The following PHC1 variants were observed in gnomAD, a reference collection of about 807,000 sequenced individuals.
PHC1 encodes polyhomeotic-like protein 1.
A neutral mutation model predicts 104.3 loss-of-function variants in PHC1; 12 were observed. That is an observed-to-expected ratio of 0.12 (90% CI 0.07 to 0.19). The LOEUF (loss-of-function observed/expected upper bound fraction) is 0.19, where lower values mean the gene tolerates loss of function less well. Among genes scored for constraint, PHC1 ranks in the 10% least tolerant of loss-of-function variants. PHC1 has a pLI of 1.00. For missense variants in PHC1, 671 were observed against 1,200.0 expected (o/e 0.56, Z 6.51); for synonymous variants, 302 against 455.8 (o/e 0.66, Z 4.30).
chr12:8,933,439 A>G, intron 8 of PHC1, 89 bp downstream of exon 8: 1 of 1,396,696 alleles, frequency 7.2e-7, no homozygotes, highest in Non-Finnish European at 9.5e-7. Flanking sequence ...GAATAGGGGA[A>G]TAAAGAGTTA....
Position 8,932,609 on chromosome 12 carries a change from A to G in PHC1, c.1152A>G (p.Gln384=), listed in dbSNP as rs148803996. 2.3e-4 allele frequency: 368 copies of G among 1,614,046 alleles called. No homozygotes were observed. In the African/African-American group the frequency reaches 4.5e-3, roughly 20 times the overall value. ...CCCATTCACTGATTCAGCAACAGCA[A>G]CAGATCCACCTCCAGCAGAAACAGG... The part of the protein sequence containing the change: ...IQPHSLIQQQ[Q]QIHLQQKQVV... Residue 384 remains glutamine (Q), a synonymous_variant, in exon 8 of 15, where the codon CAA becomes CAG. Coordinates refer to ENST00000544916, the MANE Select transcript of PHC1 (RefSeq NM_004426.3).
Position 8,924,763 on chromosome 12 carries a change from G to A in PHC1, c.612+1975G>A, listed in dbSNP as rs140767372. Among the ~76,000 whole-genome samples, 9 of 152,302 alleles carry A rather than the reference G, an allele frequency of 5.9e-5. No homozygotes were observed. The East Asian group carries it at 1.7e-3, about 29-fold the overall frequency. On this transcript the variant is annotated intron_variant, in intron 6 of 14. Transcript: ENST00000544916. ...TAGAAGAGGTCATTGCTGGGGTAGA[G>A]CATATAAAGGAGGTTGTAGTTAACT...
At position 8,932,588 on chromosome 12, in the gene PHC1, T is replaced by C. The variant is rs756298064; in HGVS notation, c.1131T>C (p.His377=). ...CCACCTACACACAGATCCAGCCCCATTCACTGATTCAGCAACAGCAACAGA... is the reference window on the plus strand; with the variant it reads ...CCACCTACACACAGATCCAGCCCCACTCACTGATTCAGCAACAGCAACAGA... The part of the protein sequence containing the change: ...SSATYTQIQP[H]SLIQQQQQIH... The change falls in exon 8 of 15, where the codon CAT becomes CAC. Residue 377 remains histidine, a synonymous_variant. Coordinates refer to ENST00000544916, the MANE Select transcript of PHC1 (RefSeq NM_004426.3). 1.2e-6 allele frequency: 2 copies of C among 1,614,006 alleles called. No individual in the cohort carries two copies. Among genetic ancestry groups the C allele is most frequent in the East Asian group, 4.5e-5 (2 of 44,890 alleles).
intron 1 of PHC1, chr12:8,915,120 C>G (rs963118167): frequency 6.5e-6 from 1 of 152,832 alleles, no homozygotes; most frequent in African/African-American, 2.4e-5. Flanking sequence ...GCCGAGCATG[C>G]TGTCTAGTTA....
At chr12:8,926,909 C>G (rs902666620) in intron 6 of PHC1, among the ~76,000 whole-genome samples, 2 of 143,984 alleles carry the variant, frequency 1.4e-5, no homozygotes, top group Non-Finnish European at 3.1e-5. Flanking sequence ...GGGCGAAACT[C>G]CATCTTAAAA....
Position 8,920,928 on chromosome 12 carries a change from T to G in PHC1, c.226-57T>G. On this transcript the variant is annotated intron_variant, in intron 3 of 14. Coordinates refer to ENST00000544916, the MANE Select transcript of PHC1 (RefSeq NM_004426.3). ...TGCTTGTGATTTATTACTAGAAGACTGAGAGCTTTTTCCTTCACTGTCTTT... is the reference window on the plus strand; with the variant it reads ...TGCTTGTGATTTATTACTAGAAGACGGAGAGCTTTTTCCTTCACTGTCTTT... The G allele has an allele frequency of 8.6e-6, 10 of 1,161,772 alleles. No homozygotes were observed. The South Asian group carries it at 1.1e-4, about 12-fold the overall frequency. The allele number at this position is 1,161,772 out of a possible 1,614,324, so 72.0% of individuals were successfully genotyped here.
chr12:8,917,911 T>C (rs1413731534), intron 2 of PHC1, 120 bp downstream of exon 2: 4 of 614,206 alleles, frequency 6.5e-6, no homozygotes, highest in Non-Finnish European at 8.6e-6. Flanking sequence ...GGTTAGATGA[T>C]GACTAAGCTG....
intron 14 of PHC1, among the ~76,000 whole-genome samples, chr12:8,938,310 G>A (rs948892020): frequency 1.3e-5 from 2 of 152,066 alleles, no homozygotes; most frequent in Non-Finnish European, 2.9e-5. Flanking sequence ...CTAAATTTTT[G>A]GATAAAATGT....
rs1727107965 is a variant in PHC1 at position 8,919,560 on chromosome 12, TC to T, written c.115-194del. Reference sequence around the variant, plus strand: ...GTAAACTATGATCACGCCACTGTGCTCCAGCCTGGTGATAGAGCAGGTTGAC... The same window carrying T: ...GTAAACTATGATCACGCCACTGTGCTCAGCCTGGTGATAGAGCAGGTTGAC... On this transcript the variant is annotated intron_variant, in intron 2 of 14. Transcript: ENST00000544916. This position sits in a 1 kb window ranked among gnomAD's most constrained non-coding sequence, Gnocchi z 4.9. 6.6e-6 allele frequency among the ~76,000 whole-genome samples: 1 copy of T among 152,152 alleles called. No individual in the cohort carries two copies. The highest frequency in any genetic ancestry group is 6.5e-5 in the Admixed American group (1 of 15,270).
chr12:8,930,412 A>C, intron 6 of PHC1, 23 bp from the exon 7 acceptor site: 1 of 1,600,722 alleles, frequency 6.2e-7, no homozygotes, highest in East Asian at 2.3e-5. Flanking sequence ...CCTTTTCTCA[A>C]TCTGTTTTTT....
intron 13 of PHC1, among the ~76,000 whole-genome samples, chr12:8,937,591 G>A (rs1382348876): frequency 6.6e-6 from 1 of 152,036 alleles, no homozygotes; most frequent in Non-Finnish European, 1.5e-5. Context: ...TCTCTCAATT[G>A]TACTTGAGAG....
Position 8,921,054 on chromosome 12 carries a change from A to G in PHC1, c.295A>G (p.Thr99Ala). The change falls in exon 4 of 15, where the codon ACC (threonine) becomes GCC (alanine). Residue 99 changes from threonine to alanine, a missense_variant. By Grantham distance (58) the Thr-to-Ala change is moderately conservative. Coordinates refer to ENST00000544916, the MANE Select transcript of PHC1 (RefSeq NM_004426.3). ...CACTACACAGCAGCAGACTACCACCACCCAGGCCTCGGTGAGTACGCCCTC... is the reference window on the plus strand; with the variant it reads ...CACTACACAGCAGCAGACTACCACCGCCCAGGCCTCGGTGAGTACGCCCTC... ...TSTTQQQTTTTQASINLATTS... is the reference protein window; with the variant it reads ...TSTTQQQTTTAQASINLATTS... 3 of 1,612,022 alleles carry G rather than the reference A, an allele frequency of 1.9e-6. No homozygotes were observed. Among genetic ancestry groups the G allele is most frequent in the Non-Finnish European group, 2.5e-6 (3 of 1,179,150 alleles).
Position 8,939,386 on chromosome 12 carries a change from T to G in PHC1, c.2942T>G (p.Met981Arg). Reference protein sequence around the residue: ...ALLLLKEEHLMSAMNIKLGPA... With the variant: ...ALLLLKEEHLRSAMNIKLGPA... ...TTATTACTTAAAGAAGAACATCTTA[T>G]GAGTGCCATGAACATCAAGCTGGGC... The change falls in exon 15 of 15, where the codon ATG becomes AGG. Residue 981 changes from methionine to arginine, a missense_variant. Physicochemically the swap from Met to Arg is moderately conservative, Grantham distance 91. Transcript: ENST00000544916. The G allele has an allele frequency of 6.2e-7, 1 of 1,602,646 alleles. No individual in the cohort carries two copies.
rs11048097 is a variant in PHC1 at position 8,933,644 on chromosome 12, A to G, written c.1894-221A>G. ...GTTCTTGGTTGGTCTACGTGAATAC[A>G]GGGTCTCAAGACCTAGGTCAGGACT... On this transcript the variant is annotated intron_variant, in intron 8 of 14. Coordinates refer to ENST00000544916, the MANE Select transcript of PHC1 (RefSeq NM_004426.3). 0.012 allele frequency: 7,233 copies of G among 600,616 alleles called. 405 individuals carry two copies. The highest frequency in any genetic ancestry group is 0.12 in the African/African-American group (6,408 of 54,110). 37.2% of individuals were successfully genotyped at this position (600,616 alleles called of 1,614,324 possible).
At position 8,932,720 on chromosome 12, in the gene PHC1, C is replaced by T. The variant is rs71447543; in HGVS notation, c.1263C>T (p.Leu421=). Residue 421 remains leucine (L), a synonymous_variant, in exon 8 of 15, where the codon CTC becomes CTT. Transcript: ENST00000544916. ...QSQLLHTATH[L]QLAQQQQQQQ... ...AGCTCCTTCACACAGCTACACACCT[C>T]CAGTTGGCGCAGCAGCAGCAGCAGC... 4.3e-5 allele frequency: 69 copies of T among 1,614,098 alleles called. No homozygotes were observed. The South Asian group carries it at 7.5e-4, about 17-fold the overall frequency.
chr12:8,924,999 G>A lies in PHC1; in HGVS notation c.612+2211G>A, dbSNP rs1009834120. On this transcript the variant is annotated intron_variant, in intron 6 of 14. Transcript: ENST00000544916. ...GATAGCAATGGGAGCCACGAGTGAG[G>A]TTGGTTCCATTTCCATATCCAGTTC... 3.3e-5 allele frequency among the ~76,000 whole-genome samples: 5 copies of A among 152,154 alleles called. No individual in the cohort carries two copies. In the South Asian group the frequency reaches 1.0e-3, roughly 32 times the overall value.
At position 8,937,145 on chromosome 12, in the gene PHC1, A is replaced by G. The variant is rs371332309; in HGVS notation, c.2478-31A>G. 5.5e-5 allele frequency: 88 copies of G among 1,593,832 alleles called. 1 individual carries two copies. The highest frequency in any genetic ancestry group is 4.8e-4 in the South Asian group (42 of 88,398). On this transcript the variant is annotated intron_variant, in intron 12 of 14. Transcript: ENST00000544916. ...GAGCAGGGTGGTCTTCTGTGGCACT[A>G]TTGACATCCTATATATGCCCTGTCC... is the stretch of plus-strand genomic sequence containing the variant.
chr12:8,931,593 G>A (rs71447542), intron 7 of PHC1, among the ~76,000 whole-genome samples: 2,009 of 152,230 alleles, frequency 0.013, 23 homozygotes, highest in Non-Finnish European at 0.02. Context: ...CCAGCTGCTC[G>A]GGAGGCTGAA....
chr12:8,921,591 T>C lies in PHC1; in HGVS notation c.307-10T>C, dbSNP rs779581402. On this transcript the variant is annotated splice_polypyrimidine_tract_variant and intron_variant, in intron 4 of 14. Transcript: ENST00000544916. ...AATCCTTAGTCCTGGTTCCTTTCTG[T>C]ACCACACAGATCAATCTGGCCACCA... 32 of 1,613,642 alleles carry C rather than the reference T, an allele frequency of 2.0e-5. No individual in the cohort carries two copies. The South Asian group carries it at 3.4e-4, about 17-fold the overall frequency.
Sources: allele counts gnomAD v4.1 joint callset (sites outside exome capture counted in the v4.1 genomes callset), GRCh38; gene constraint gnomAD v4.1.1; non-coding constraint Gnocchi (gnomAD v3.1); transcripts MANE v1.5; gene names NCBI Gene and HGNC (gene_info 2026-07-23, HGNC 2026-07-21).